The following STXBP5 variants were observed in gnomAD, a reference collection of about 807,000 sequenced individuals.
STXBP5 encodes the protein syntaxin binding protein 5.
Under a neutral mutation model 152.4 loss-of-function variants are expected in STXBP5, and 50 were observed. The ratio of observed to expected loss-of-function variants is 0.33; its 90% CI spans 0.26 to 0.42. The LOEUF is 0.42. Ranked by LOEUF, STXBP5 falls within the 10% of genes least tolerant of loss-of-function variation. The pLI is 1.00. For synonymous variants in STXBP5, 492 were observed against 494.7 expected (o/e 0.99, Z 0.07); for missense variants, 1,167 against 1,388.6 (o/e 0.84, Z 2.54).
intron 4 of STXBP5, among the ~76,000 whole-genome samples, chr6:147,240,669 A>T (rs1186717413): frequency 2.0e-5 from 3 of 152,204 alleles, no homozygotes; most frequent in Admixed American, 1.3e-4. Flanking sequence ...TAGTTATAAC[A>T]ACTGTAATAA....
chr6:147,223,721 G>A (rs1023969897), intron 2 of STXBP5, among the ~76,000 whole-genome samples: 1 of 152,142 alleles, frequency 6.6e-6, no homozygotes, highest in African/African-American at 2.4e-5. Context: ...ATGGCAAGGG[G>A]CATGACATCT....
chr6:147,346,590 A>AT (rs1226239717), intron 21 of STXBP5, among the ~76,000 whole-genome samples: 1 of 152,088 alleles, frequency 6.6e-6, no homozygotes, highest in Non-Finnish European at 1.5e-5. Flanking sequence ...GTACAAAAAA[A>AT]TTAGCCAGGC....
At chr6:147,337,833 G>A (rs1783905307) in intron 19 of STXBP5, among the ~76,000 whole-genome samples, 1 of 151,956 alleles carries the variant, frequency 6.6e-6, no homozygotes, top group African/African-American at 2.4e-5. Flanking sequence ...ATGAGGATCT[G>A]TAAATGATGT....
At chr6:147,283,258 A>G (rs891988958) in intron 8 of STXBP5, among the ~76,000 whole-genome samples, 6 of 152,218 alleles carry the variant, frequency 3.9e-5, no homozygotes, top group Non-Finnish European at 8.8e-5. Flanking sequence ...ATTCAAATTC[A>G]CCTAAGTACG....
At chr6:147,262,447 G>C in intron 6 of STXBP5, 94 bp downstream of exon 6, 1 of 702,974 alleles carries the variant, frequency 1.4e-6, no homozygotes, top group Non-Finnish European at 2.3e-6. Context: ...ATTACAAATT[G>C]AGATTACCAT....
intron 7 of STXBP5, among the ~76,000 whole-genome samples, chr6:147,270,024 C>G (rs1320527096): frequency 6.6e-6 from 1 of 152,076 alleles, no homozygotes; most frequent in Non-Finnish European, 1.5e-5. Flanking sequence ...TCAATTCCTA[C>G]AAACTAGTAA....
At chr6:147,329,647 A>G (rs1305055918) in intron 18 of STXBP5, among the ~76,000 whole-genome samples, 3 of 28,394 alleles carry the variant, frequency 1.1e-4, no homozygotes, top group Non-Finnish European at 1.8e-4. Context: ...TTTTTTTGAG[A>G]CGGAGTCTCG....
chr6:147,274,396 G>GA (rs1465904388), intron 7 of STXBP5, among the ~76,000 whole-genome samples: 1 of 151,712 alleles, frequency 6.6e-6, no homozygotes, highest in Non-Finnish European at 1.5e-5. Flanking sequence ...AGAGAGAAAG[G>GA]AAAAAAAGCT....
At chr6:147,260,875 AC>A in intron 5 of STXBP5, 126 bp downstream of exon 5, 1 of 1,222,758 alleles carries the variant, frequency 8.2e-7, no homozygotes. Context: ...AATATTAAGT[AC>A]AGATTTATTA....
intron 22 of STXBP5, among the ~76,000 whole-genome samples, chr6:147,356,188 A>T (rs1196127888): frequency 6.6e-6 from 1 of 152,108 alleles, no homozygotes; most frequent in Admixed American, 6.6e-5. Context: ...TTGACCTATG[A>T]GTTAACATTT....
chr6:147,337,497 A>G (rs1200079672), intron 19 of STXBP5, among the ~76,000 whole-genome samples: 5 of 152,052 alleles, frequency 3.3e-5, no homozygotes, highest in African/African-American at 4.8e-5. Flanking sequence ...GAAGAAAAAT[A>G]AACCTCCTTG....
In STXBP5 at chr6:147,382,890, A is replaced by G; in HGVS notation, c.3306A>G (p.Ala1102=). The change falls in exon 27 of 28, where the codon GCA becomes GCG. Residue 1102 remains alanine, a synonymous_variant. Transcript: ENST00000321680. The stretch of plus-strand genomic sequence containing the variant: ...CATCTGGAGTTGTTGGTGAATTAGC[A>G]CGAGCCAGGCTGGCACTAGATGAAA... ...GAASGVVGEL[A]RARLALDERG... 6.2e-7 allele frequency: 1 copy of G among 1,613,530 alleles called. No homozygotes were observed.
At chr6:147,259,127 T>A (rs1176106097) in intron 4 of STXBP5, among the ~76,000 whole-genome samples, 1 of 152,180 alleles carries the variant, frequency 6.6e-6, no homozygotes, top group African/African-American at 2.4e-5. Context: ...TAAAAAAATA[T>A]ATGAGTCATT....
chr6:147,364,358 G>C (rs995793597), intron 25 of STXBP5, among the ~76,000 whole-genome samples, 192 bp downstream of exon 25: 2 of 152,188 alleles, frequency 1.3e-5, no homozygotes, highest in African/African-American at 4.8e-5. Flanking sequence ...TCAGACATCT[G>C]CTATAAGCAG....
chr6:147,256,282 T>C (rs1362055599), intron 4 of STXBP5, among the ~76,000 whole-genome samples: 1 of 152,226 alleles, frequency 6.6e-6, no homozygotes, highest in Non-Finnish European at 1.5e-5. Flanking sequence ...AAAGATAGTC[T>C]CTGCCTCACT....
At chr6:147,303,476 C>T (rs1781930943) in intron 9 of STXBP5, among the ~76,000 whole-genome samples, 1 of 152,154 alleles carries the variant, frequency 6.6e-6, no homozygotes, top group South Asian at 2.1e-4. Flanking sequence ...GTGAATTACT[C>T]AGTCTCAGAT....
At chr6:147,226,185 C>A (rs1452007087) in intron 2 of STXBP5, among the ~76,000 whole-genome samples, 1 of 151,942 alleles carries the variant, frequency 6.6e-6, no homozygotes, top group Non-Finnish European at 1.5e-5. Context: ...TGCCTGTAGT[C>A]CCAGCTGCTC....
At chr6:147,301,590 A>G (rs1416309718) in intron 9 of STXBP5, among the ~76,000 whole-genome samples, 1 of 152,182 alleles carries the variant, frequency 6.6e-6, no homozygotes, top group Non-Finnish European at 1.5e-5. Context: ...TAGTCATTCT[A>G]CAACCCAGCC....
chr6:147,274,868 GAA>G (rs1223759636), intron 7 of STXBP5, among the ~76,000 whole-genome samples: 1 of 151,944 alleles, frequency 6.6e-6, no homozygotes, highest in Non-Finnish European at 1.5e-5. Flanking sequence ...TTAAAATTAA[GAA>G]TATTAATTAG....
Sources: gnomAD v4.1 joint callset for allele counts (sites outside exome capture counted in the v4.1 genomes callset) on GRCh38, gnomAD v4.1.1 for gene constraint, MANE v1.5 for transcripts, NCBI Gene and HGNC (gene_info 2026-07-23, HGNC 2026-07-21) for gene names.